MAPK10: variants seen among roughly 807,000 people sequenced by gnomAD.
MAPK10 encodes mitogen-activated protein kinase 10, also known as JNK3 alpha protein kinase.
Under a neutral mutation model 59.3 loss-of-function variants are expected in MAPK10, and 25 were observed. The observed-to-expected ratio is 0.42, with a 90% CI of 0.31 to 0.59. MAPK10 has a LOEUF of 0.59. Among genes scored for constraint, MAPK10 ranks in the 20% least tolerant of loss-of-function variants. The probability of loss-of-function intolerance (pLI) is 0.15; values close to 1 mark genes in which losing one functional copy is unlikely to be tolerated. For missense variants in MAPK10, 351 were observed against 568.9 expected, an observed-to-expected ratio of 0.62 and a Z score of 3.90; for synonymous variants, 190 against 200.5, an observed-to-expected ratio of 0.95 and a Z score of 0.44.
At chr4:86,571,380 T>C (rs1010968310) in intron 1 of MAPK10, among the ~76,000 whole-genome samples, 10 of 149,620 alleles carry the variant, frequency 6.7e-5, no homozygotes, top group African/African-American at 2.5e-4. Flanking sequence ...AGATAGTGAA[T>C]AGAACACCTA....
chr4:86,289,001 T>C (rs1334698006), intron 2 of MAPK10, among the ~76,000 whole-genome samples: 1 of 151,362 alleles, frequency 6.6e-6, no homozygotes, highest in Non-Finnish European at 1.5e-5. Context: ...ATAAACACTA[T>C]ACTTTCAGGT....
intron 2 of MAPK10, among the ~76,000 whole-genome samples, chr4:86,348,887 AAAACACTAT>A (rs1387383975): frequency 1.3e-5 from 2 of 152,112 alleles, no homozygotes; most frequent in Non-Finnish European, 2.9e-5. Context: ...TTCTCCGGGC[AAAACACTAT>A]AATTTTTCTT....
At chr4:86,336,081 A>T (rs1721153324) in intron 2 of MAPK10, among the ~76,000 whole-genome samples, 1 of 152,212 alleles carries the variant, frequency 6.6e-6, no homozygotes, top group Admixed American at 6.5e-5. Flanking sequence ...TTTTAATATA[A>T]AAAGAAAATT....
At chr4:86,304,835 G>A (rs551326555) in intron 2 of MAPK10, among the ~76,000 whole-genome samples, 97 of 152,058 alleles carry the variant, frequency 6.4e-4, no homozygotes, top group African/African-American at 2.3e-3. Context: ...TTAACATGTT[G>A]CTATTCTTTT....
intron 2 of MAPK10, among the ~76,000 whole-genome samples, chr4:86,305,820 CA>C (rs34255377): frequency 0.39 from 43,074 of 111,826 alleles, 6,085 homozygotes; most frequent in Non-Finnish European, 0.42. Context: ...ACTCCATCTC[CA>C]AAAAAAAAAA....
chr4:86,268,729 G>A (rs1294209217), intron 2 of MAPK10, among the ~76,000 whole-genome samples: 4 of 152,074 alleles, frequency 2.6e-5, no homozygotes, highest in Admixed American at 6.6e-5. Flanking sequence ...CTGAAATGTG[G>A]TTTCCTCCCA....
chr4:86,189,855 C>G (rs568412452), intron 3 of MAPK10, among the ~76,000 whole-genome samples: 3 of 152,092 alleles, frequency 2.0e-5, no homozygotes, highest in Non-Finnish European at 4.4e-5. Context: ...TCCAGCTTTT[C>G]CCATTCAGTA....
At chr4:86,213,935 C>T (rs1322798288) in intron 2 of MAPK10, among the ~76,000 whole-genome samples, 2 of 151,982 alleles carry the variant, frequency 1.3e-5, no homozygotes, top group Non-Finnish European at 2.9e-5. Flanking sequence ...AACCACAGAC[C>T]AATATCCCTG....
chr4:86,135,217 T>C (rs2061749325), intron 4 of MAPK10, among the ~76,000 whole-genome samples: 1 of 152,198 alleles, frequency 6.6e-6, no homozygotes, highest in African/African-American at 2.4e-5. Context: ...CTCTGGAGGC[T>C]CCACCTCTGG....
At chr4:86,524,427 C>G (rs1166516685) in intron 1 of MAPK10, among the ~76,000 whole-genome samples, 1 of 152,140 alleles carries the variant, frequency 6.6e-6, no homozygotes, top group Non-Finnish European at 1.5e-5. Flanking sequence ...TCAGCAAGTC[C>G]TGTACATTCT....
intron 2 of MAPK10, among the ~76,000 whole-genome samples, chr4:86,348,886 C>A (rs1729683095): frequency 6.6e-6 from 1 of 152,060 alleles, no homozygotes; most frequent in Admixed American, 6.6e-5. Flanking sequence ...CTTCTCCGGG[C>A]AAAACACTAT....
At chr4:86,454,215 TC>T (rs989242670), upstream of MAPK10, among the ~76,000 whole-genome samples, 1 of 151,528 alleles carries the variant, frequency 6.6e-6, no homozygotes, top group Non-Finnish European at 1.5e-5. Context: ...TTCTTTAACA[TC>T]CCCCCAAAAT....
chr4:86,307,175 T>C (rs775125959), intron 2 of MAPK10, among the ~76,000 whole-genome samples: 1 of 152,182 alleles, frequency 6.6e-6, no homozygotes, highest in South Asian at 2.1e-4. Context: ...AGGTCCTTTC[T>C]GGTCCATTAC....
chr4:86,110,540 G>A (rs1013718274), intron 4 of MAPK10, among the ~76,000 whole-genome samples: 9 of 152,090 alleles, frequency 5.9e-5, no homozygotes, highest in South Asian at 2.1e-4. Context: ...GGTTGTAAAC[G>A]TGCAGTCTTA....
intron 4 of MAPK10, among the ~76,000 whole-genome samples, chr4:86,112,706 A>G (rs908209248): frequency 4.6e-5 from 7 of 151,902 alleles, no homozygotes; most frequent in African/African-American, 1.7e-4. Flanking sequence ...TGGGGTGGAA[A>G]GTTCTGTAGA....
At chr4:86,584,830 A>G (rs1428137428) in intron 1 of MAPK10, among the ~76,000 whole-genome samples, 2 of 152,176 alleles carry the variant, frequency 1.3e-5, no homozygotes, top group African/African-American at 4.8e-5. Context: ...GTTAACAGAT[A>G]CTTTAACTCT....
chr4:86,279,314 C>A (rs2094706003), intron 2 of MAPK10, among the ~76,000 whole-genome samples: 1 of 152,016 alleles, frequency 6.6e-6, no homozygotes, highest in African/African-American at 2.4e-5. Context: ...ATCTTCTAAG[C>A]CTCTGATCAC....
chr4:86,140,581 C>T lies in MAPK10; in HGVS notation c.236+18717G>A, dbSNP rs2063418147. ...ATAGCACTGGGAGATATACCCAATG[C>T]TAGATGACGAGTTAGTGGGTGCAGC... On this transcript the variant is annotated intron_variant, in intron 4 of 13. Transcript: ENST00000641462. Among the ~76,000 whole-genome samples the T allele has an allele frequency of 2.7e-5, 4 of 149,010 alleles. No individual in the cohort carries two copies. The South Asian group carries it at 8.5e-4, about 32-fold the overall frequency.
intron 2 of MAPK10, among the ~76,000 whole-genome samples, chr4:86,297,991 T>C (rs939970915): frequency 6.6e-6 from 1 of 152,350 alleles, no homozygotes; most frequent in East Asian, 1.9e-4. Flanking sequence ...ACGCTTGTGC[T>C]TCTGTGTGTT....
Sources: gnomAD v4.1 joint callset for allele counts (sites outside exome capture counted in the v4.1 genomes callset) on GRCh38, gnomAD v4.1.1 for gene constraint, MANE v1.5 for transcripts, NCBI Gene and HGNC (gene_info 2026-07-23, HGNC 2026-07-21) for gene names.